FER1L6: variants seen among roughly 807,000 people sequenced by gnomAD.
The protein encoded by FER1L6 is fer-1 like family member 6.
A neutral mutation model predicts 219.2 loss-of-function variants in FER1L6; 177 were observed. The ratio of observed to expected loss-of-function variants is 0.81; its 90% CI spans 0.71 to 0.91. The LOEUF (loss-of-function observed/expected upper bound fraction) is 0.91. Among genes scored for constraint, FER1L6 ranks in the 40% least tolerant of loss-of-function variants. The pLI is 0.00. For synonymous variants in FER1L6, 768 were observed against 824.3 expected (o/e 0.93, Z 1.17); for missense variants, 2,153 against 2,259.9 (o/e 0.95, Z 0.96).
intron 12 of FER1L6, among the ~76,000 whole-genome samples, chr8:123,998,258 G>T (rs575860077): frequency 1.3e-5 from 2 of 152,168 alleles, no homozygotes; most frequent in South Asian, 4.1e-4. Flanking sequence ...TAACACTGTG[G>T]CTCTTGCAGA....
At chr8:124,077,899 G>A (rs1319468052) in intron 32 of FER1L6, among the ~76,000 whole-genome samples, 2 of 152,296 alleles carry the variant, frequency 1.3e-5, no homozygotes, top group Middle Eastern at 3.4e-3. Flanking sequence ...TTGAGCCAGG[G>A]TCTGCGGAAT....
At chr8:123,923,292 G>T (rs1361113238) in intron 1 of FER1L6, among the ~76,000 whole-genome samples, 2 of 152,198 alleles carry the variant, frequency 1.3e-5, no homozygotes, top group Non-Finnish European at 2.9e-5. Context: ...GCACAGAGAG[G>T]CGAATGAAGC....
chr8:123,856,953 C>A (rs753752432), intron 1 of FER1L6, among the ~76,000 whole-genome samples: 1 of 152,048 alleles, frequency 6.6e-6, no homozygotes, highest in East Asian at 1.9e-4. Context: ...AGATGAGATG[C>A]CTTGACAAGC....
intron 1 of FER1L6, among the ~76,000 whole-genome samples, chr8:123,949,390 T>C (rs1412585314): frequency 6.6e-6 from 1 of 152,188 alleles, no homozygotes; most frequent in Non-Finnish European, 1.5e-5. Context: ...CCATAGATCC[T>C]CTCTTAGTAA....
intron 12 of FER1L6, among the ~76,000 whole-genome samples, chr8:123,991,753 C>T (rs959166327): frequency 9.9e-5 from 15 of 152,240 alleles, no homozygotes; most frequent in African/African-American, 3.6e-4. Flanking sequence ...TGAAAGTGGG[C>T]TTCCTTATCT....
At chr8:124,065,400 C>CA (rs60695255) in intron 26 of FER1L6, among the ~76,000 whole-genome samples, 17,563 of 54,628 alleles carry the variant, frequency 0.32, 2,688 homozygotes, top group East Asian at 0.42. Flanking sequence ...GCCTCCATCT[C>CA]AAAAAAAAAA....
At chr8:123,855,688 T>C (rs2130238725) in intron 1 of FER1L6, among the ~76,000 whole-genome samples, 1 of 105,318 alleles carries the variant, frequency 9.5e-6, no homozygotes, top group South Asian at 2.8e-4. Context: ...CATATGTGTG[T>C]GTGTGTGTGT....
intron 35 of FER1L6, among the ~76,000 whole-genome samples, chr8:124,096,600 G>C (rs1471954333): frequency 6.6e-6 from 1 of 152,198 alleles, no homozygotes; most frequent in African/African-American, 2.4e-5. Flanking sequence ...GGTAAAATCT[G>C]ATGTATGGAG....
At chr8:123,940,377 A>G (rs1814188557) in intron 1 of FER1L6, among the ~76,000 whole-genome samples, 1 of 152,080 alleles carries the variant, frequency 6.6e-6, no homozygotes. Context: ...AGACAGCGTC[A>G]CCCAGGTTGG....
intron 1 of FER1L6, among the ~76,000 whole-genome samples, chr8:123,942,168 T>A (rs146533022): frequency 6.1e-4 from 93 of 152,286 alleles, no homozygotes; most frequent in African/African-American, 2.0e-3. Context: ...ACTATTTAAC[T>A]GCTTAGTCTG....
At chr8:123,868,534 A>G (rs1397834675) in intron 1 of FER1L6, among the ~76,000 whole-genome samples, 1 of 152,092 alleles carries the variant, frequency 6.6e-6, no homozygotes, top group Non-Finnish European at 1.5e-5. Context: ...CTAAAGTACA[A>G]GTTGTTTTCC....
rs552657405 is a variant in FER1L6, at chr8:123,906,353, A to G, written c.-7-49639A>G. On this transcript the variant is annotated intron_variant, in intron 1 of 40. Transcript: ENST00000522917. The stretch of plus-strand genomic sequence containing the variant: ...GTGGGCTCTGCCTCCCACCCAACCC[A>G]CACTGTGGATAATTTCCAGACATAG... Among the ~76,000 whole-genome samples, 10 of 152,158 alleles carry G rather than the reference A, an allele frequency of 6.6e-5. No homozygotes were observed. The South Asian group carries it at 1.2e-3, about 19-fold the overall frequency.
chr8:123,988,679 C>G (rs1053560844), intron 12 of FER1L6, among the ~76,000 whole-genome samples: 1 of 152,154 alleles, frequency 6.6e-6, no homozygotes. Context: ...GATTTTGCAT[C>G]CTGCAACTTT....
intron 1 of FER1L6, among the ~76,000 whole-genome samples, chr8:123,909,203 G>A (rs962962936): frequency 6.6e-6 from 1 of 152,116 alleles, no homozygotes; most frequent in African/African-American, 2.4e-5. Context: ...ACAGAAAGAT[G>A]AAGAGGGAGA....
chr8:124,091,392 C>T (rs759881860), intron 33 of FER1L6, 31 bp from the exon 34 acceptor site: 1 of 1,603,160 alleles, frequency 6.2e-7, no homozygotes, highest in Non-Finnish European at 8.5e-7. Flanking sequence ...TAAGTGAGGA[C>T]CTCAAAGTGT....
At chr8:123,940,396 G>A (rs1015203787) in intron 1 of FER1L6, among the ~76,000 whole-genome samples, 2 of 152,126 alleles carry the variant, frequency 1.3e-5, no homozygotes, top group African/African-American at 4.8e-5. Flanking sequence ...GGAGTGCAAT[G>A]GTGCGATCTC....
At chr8:123,862,946 A>AT (rs1318877033) in intron 1 of FER1L6, among the ~76,000 whole-genome samples, 4 of 146,034 alleles carry the variant, frequency 2.7e-5, no homozygotes, top group Non-Finnish European at 5.9e-5. Context: ...GGATTCATTG[A>AT]TTTTTTGAAG....
intron 13 of FER1L6, among the ~76,000 whole-genome samples, chr8:124,009,905 G>A (rs1200780104): frequency 7.7e-5 from 11 of 143,408 alleles, no homozygotes; most frequent in East Asian, 2.4e-4. Flanking sequence ...CTGGCAACCC[G>A]GGCAGGAGAA....
At chr8:123,914,020 C>T (rs1006647495) in intron 1 of FER1L6, among the ~76,000 whole-genome samples, 1 of 152,148 alleles carries the variant, frequency 6.6e-6, no homozygotes, top group Non-Finnish European at 1.5e-5. Flanking sequence ...TTAGGGTTAA[C>T]ATTTTGGGAT....
Sources: gnomAD v4.1 joint callset for allele counts (sites outside exome capture counted in the v4.1 genomes callset) on GRCh38, gnomAD v4.1.1 for gene constraint, MANE v1.5 for transcripts, NCBI Gene and HGNC (gene_info 2026-07-23, HGNC 2026-07-21) for gene names.